CD5: variants seen among roughly 807,000 people sequenced by gnomAD.
CD5 encodes the protein T-cell surface glycoprotein CD5.
In CD5, 36 loss-of-function variants were observed where a neutral mutation model predicts 60.3. The observed-to-expected ratio is 0.60, with a 90% CI of 0.46 to 0.79. The LOEUF is 0.79. CD5 is among the 30% of genes least tolerant of loss of function. The pLI is 0.00. For missense variants in CD5, 540 were observed against 630.6 expected (o/e 0.86, Z 1.54); for synonymous variants, 230 against 257.6 (o/e 0.89, Z 1.03).
intron 1 of CD5, among the ~76,000 whole-genome samples, chr11:61,102,868 C>T (rs899171994): frequency 6.6e-6 from 1 of 152,202 alleles, no homozygotes; most frequent in African/African-American, 2.4e-5. Context: ...CTTTACCCTT[C>T]CAGTGCAAGA....
chr11:61,118,282 T>G lies in CD5; in HGVS notation c.202T>G (p.Ser68Ala), dbSNP rs562627397. The change falls in exon 3 of 11, where the codon TCC (serine) becomes GCC (alanine). Residue 68 changes from serine to alanine, a missense_variant. Ser to Ala is a moderately conservative substitution (Grantham distance 99). Coordinates refer to ENST00000347785, the MANE Select transcript of CD5 (RefSeq NM_014207.4). This position sits in a 1 kb window ranked among gnomAD's most constrained non-coding sequence, Gnocchi z 4.7. ...MVCSQSWGRS[S>A]KQWEDPSQAS... ...TTGCAGCCAGAGCTGGGGCCGGAGC[T>G]CCAAGCAGTGGGAGGACCCCAGTCA... 192 of 1,614,214 alleles carry G rather than the reference T, an allele frequency of 1.2e-4. No homozygotes were observed. The Middle Eastern group carries it at 3.0e-3, about 25-fold the overall frequency.
chr11:61,123,960 G>A (rs753281429), intron 8 of CD5, 23 bp downstream of exon 8: 1 of 1,598,472 alleles, frequency 6.3e-7, no homozygotes, highest in Non-Finnish European at 8.6e-7. Flanking sequence ...GGAGGCAGGA[G>A]CCTCCCTCAG....
chr11:61,104,236 T>A (rs145814705), intron 1 of CD5, among the ~76,000 whole-genome samples: 11 of 152,098 alleles, frequency 7.2e-5, no homozygotes, highest in Non-Finnish European at 1.6e-4. Flanking sequence ...AAGGCAGGAT[T>A]ATCTCCCCAA....
chr11:61,096,076 A>G, the CD5 span, among the ~76,000 whole-genome samples: 1 of 152,272 alleles, frequency 6.6e-6, no homozygotes, highest in East Asian at 1.9e-4. Flanking sequence ...GGCGAACGCC[A>G]GGCTAGGCGA....
upstream of CD5, among the ~76,000 whole-genome samples, chr11:61,099,496 G>A (rs1860628452): frequency 1.4e-5 from 2 of 138,774 alleles, no homozygotes; most frequent in African/African-American, 5.6e-5. Flanking sequence ...ACATCAACAT[G>A]GAGATCACAC....
chr11:61,118,626 C>A lies in CD5; in HGVS notation c.400+146C>A. ...TATAACCACTCCCCAAGACACATAC[C>A]CAGGAGGGGGACTGGAAGGGGCCAG... On this transcript the variant is annotated intron_variant, in intron 3 of 10. Transcript: ENST00000347785. The surrounding 1 kb of genome is among the most constrained non-coding windows in gnomAD (Gnocchi z 4.7). 1.3e-6 allele frequency: 1 copy of A among 775,326 alleles called. No individual in the cohort carries two copies. 48.0% of individuals were successfully genotyped at this position (775,326 alleles called of 1,614,324 possible).
At chr11:61,098,024 C>G (rs140402349), upstream of CD5, among the ~76,000 whole-genome samples, 1 of 152,092 alleles carries the variant, frequency 6.6e-6, no homozygotes, top group Non-Finnish European at 1.5e-5. Flanking sequence ...GCTGTCTACA[C>G]GTAGATGATC....
At chr11:61,124,307 G>T (rs1271386454) in intron 8 of CD5, among the ~76,000 whole-genome samples, 2 of 152,192 alleles carry the variant, frequency 1.3e-5, no homozygotes, top group African/African-American at 4.8e-5. Context: ...AGGCCTCCCT[G>T]ATCAACAGAT....
upstream of CD5, chr11:61,102,356 C>T (rs1248547631): frequency 1.4e-5 from 8 of 591,506 alleles, no homozygotes; most frequent in Non-Finnish European, 2.1e-5. Flanking sequence ...GCCATTCAAA[C>T]AGGGGCAGGT....
chr11:61,097,882 T>G (rs1860605241), upstream of CD5, among the ~76,000 whole-genome samples: 1 of 152,076 alleles, frequency 6.6e-6, no homozygotes, highest in South Asian at 2.1e-4. Context: ...ACTGATAAAA[T>G]CAGCAGAGCC....
chr11:61,102,459 CG>C, upstream of CD5: 1 of 612,168 alleles, frequency 1.6e-6, no homozygotes, highest in Non-Finnish European at 2.8e-6. Flanking sequence ...TCCCTGAGCA[CG>C]CCACCCCGCC....
At chr11:61,123,845 C>T (rs1861106553) in intron 7 of CD5, 39 bp from the exon 8 acceptor site, 1 of 1,513,142 alleles carries the variant, frequency 6.6e-7, no homozygotes, top group Non-Finnish European at 9.1e-7. Context: ...CCATACCTGC[C>T]CCCACCACTC....
intron 1 of CD5, among the ~76,000 whole-genome samples, chr11:61,108,877 G>T (rs974631333): frequency 5.3e-5 from 8 of 152,166 alleles, no homozygotes; most frequent in Non-Finnish European, 1.0e-4. Flanking sequence ...AAAAATCCTT[G>T]TCCTGGGGTC....
intron 10 of CD5, among the ~76,000 whole-genome samples, chr11:61,126,059 A>C (rs1323171185): frequency 1.3e-5 from 2 of 152,234 alleles, no homozygotes; most frequent in Non-Finnish European, 2.9e-5. Flanking sequence ...GAACTTTAAC[A>C]ATCAACTCTT....
chr11:61,094,535 T>C, the CD5 span, among the ~76,000 whole-genome samples: 1 of 152,172 alleles, frequency 6.6e-6, no homozygotes, highest in African/African-American at 2.4e-5. Context: ...TTTTTGTTTT[T>C]GACTTGTCTT....
chr11:61,118,094 C>A lies in CD5; in HGVS notation c.95-81C>A. On this transcript the variant is annotated intron_variant, in intron 2 of 10. Transcript: ENST00000347785. The surrounding 1 kb of genome is among the most constrained non-coding windows in gnomAD (Gnocchi z 4.7). Reference sequence around the variant, plus strand: ...CGGGGCAGGAGGGAGCTCAACTGGGCGTCCTAGGGAGAGGGCAGTGAGGGG... The same window carrying A: ...CGGGGCAGGAGGGAGCTCAACTGGGAGTCCTAGGGAGAGGGCAGTGAGGGG... 2.8e-6 allele frequency: 4 copies of A among 1,431,824 alleles called. No individual in the cohort carries two copies. The highest frequency in any genetic ancestry group is 1.9e-6 in the Non-Finnish European group (2 of 1,041,300). The allele number at this position is 1,431,824 out of a possible 1,614,324, so 88.7% of individuals were successfully genotyped here. A position where few individuals can be genotyped will look rare whatever the true frequency, so the allele number is the denominator to read the frequency against.
chr11:61,117,254 C>T (rs1387487342), intron 2 of CD5, among the ~76,000 whole-genome samples: 1 of 152,186 alleles, frequency 6.6e-6, no homozygotes, highest in Non-Finnish European at 1.5e-5. Context: ...GAGTCCATGT[C>T]TATGACATTG....
intron 6 of CD5, among the ~76,000 whole-genome samples, chr11:61,122,312 G>A (rs7480647): frequency 0.32 from 16,165 of 49,964 alleles, 2,368 homozygotes; most frequent in East Asian, 0.67. Flanking sequence ...GGGTGGGTGG[G>A]TGGATGGATG....
At chr11:61,099,840 C>G (rs1860635856), upstream of CD5, among the ~76,000 whole-genome samples, 1 of 151,768 alleles carries the variant, frequency 6.6e-6, no homozygotes, top group African/African-American at 2.4e-5. Context: ...GGAGATCACA[C>G]ACACAGCACA....
Sources: gnomAD v4.1 joint callset for allele counts (sites outside exome capture counted in the v4.1 genomes callset) on GRCh38, gnomAD v4.1.1 for gene constraint, Gnocchi (gnomAD v3.1) non-coding constraint, MANE v1.5 for transcripts, NCBI Gene and HGNC (gene_info 2026-07-23, HGNC 2026-07-21) for gene names.